The following DACH1 variants were observed in gnomAD, a reference collection of about 807,000 sequenced individuals.
The protein encoded by DACH1 is dachshund homolog 1.
Under a neutral mutation model 54.2 loss-of-function variants are expected in DACH1, and 12 were observed. The observed-to-expected ratio is 0.22, with a 90% CI of 0.14 to 0.36. The LOEUF (loss-of-function observed/expected upper bound fraction) is 0.36. Among genes scored for constraint, DACH1 ranks in the 10% least tolerant of loss-of-function variants. The pLI is 1.00. For missense variants in DACH1, 805 were observed against 929.8 expected, an observed-to-expected ratio of 0.87 and a Z score of 1.75; for synonymous variants, 386 against 366.2, an observed-to-expected ratio of 1.05 and a Z score of -0.62.
chr13:71,683,092 T>A (rs1415813093), intron 1 of DACH1, among the ~76,000 whole-genome samples: 1 of 152,114 alleles, frequency 6.6e-6, no homozygotes, highest in Non-Finnish European at 1.5e-5. Context: ...AGGTAGGTAA[T>A]GTTTGTGGTC....
intron 1 of DACH1, among the ~76,000 whole-genome samples, chr13:71,858,427 CT>C (rs1272254655): frequency 1.3e-5 from 2 of 151,696 alleles, no homozygotes; most frequent in African/African-American, 4.8e-5. Context: ...AACCAATGTA[CT>C]ATGTGGCCTA....
chr13:71,617,634 C>T (rs1053229130), intron 3 of DACH1, among the ~76,000 whole-genome samples: 17 of 152,132 alleles, frequency 1.1e-4, no homozygotes, highest in African/African-American at 3.9e-4. Context: ...ACCAAAGACC[C>T]GGAAGAATAA....
At chr13:71,807,053 A>G (rs891309289) in intron 1 of DACH1, among the ~76,000 whole-genome samples, 6 of 152,196 alleles carry the variant, frequency 3.9e-5, no homozygotes, top group South Asian at 2.1e-4. Context: ...GGTTCCAGGA[A>G]TGAGAAGAAA....
At chr13:71,824,313 G>GA (rs1163697060) in intron 1 of DACH1, among the ~76,000 whole-genome samples, 5 of 151,560 alleles carry the variant, frequency 3.3e-5, no homozygotes, top group African/African-American at 1.2e-4. Flanking sequence ...CTCAGAAAAT[G>GA]AAAAAAATAA....
At chr13:71,629,100 T>C (rs1876883737) in intron 3 of DACH1, among the ~76,000 whole-genome samples, 1 of 152,172 alleles carries the variant, frequency 6.6e-6, no homozygotes, top group South Asian at 2.1e-4. Context: ...AAAAGGCTTT[T>C]ACTTTAAAGT....
chr13:71,713,154 C>CT (rs1882807441), intron 1 of DACH1, among the ~76,000 whole-genome samples: 1 of 150,124 alleles, frequency 6.7e-6, no homozygotes, highest in African/African-American at 2.5e-5. Context: ...TTTCCCTGAA[C>CT]TTTTCTCTTT....
intron 6 of DACH1, among the ~76,000 whole-genome samples, chr13:71,552,816 TATATATATATATATATATATATATATAG>T (rs1471057702): frequency 1.2e-3 from 68 of 54,854 alleles, no homozygotes; most frequent in South Asian, 2.8e-3. Flanking sequence ...TATATATATA[TATATATATATATATATATATATATATAG>T]AGAGAGAGAG....
At chr13:71,695,885 A>G (rs1051087803) in intron 1 of DACH1, among the ~76,000 whole-genome samples, 1 of 152,202 alleles carries the variant, frequency 6.6e-6, no homozygotes, top group African/African-American at 2.4e-5. Context: ...AAGGCAAAGC[A>G]AATATTGAGT....
intron 1 of DACH1, among the ~76,000 whole-genome samples, chr13:71,842,383 T>C (rs1872934274): frequency 1.3e-5 from 2 of 150,988 alleles, no homozygotes; most frequent in African/African-American, 4.9e-5. Flanking sequence ...AAGACCAGCC[T>C]GGGCAAAATG....
At chr13:71,677,918 C>T (rs536476261) in intron 2 of DACH1, among the ~76,000 whole-genome samples, 7 of 152,192 alleles carry the variant, frequency 4.6e-5, no homozygotes, top group African/African-American at 1.7e-4. Context: ...TGGGGTTTCA[C>T]CATGTTGGCC....
chr13:71,762,886 A>G (rs1465214851), intron 1 of DACH1, among the ~76,000 whole-genome samples: 1 of 151,698 alleles, frequency 6.6e-6, no homozygotes, highest in Non-Finnish European at 1.5e-5. Context: ...TTAATAATGT[A>G]GTTTTTTCTC....
intron 3 of DACH1, among the ~76,000 whole-genome samples, chr13:71,587,986 G>A (rs1873404587): frequency 6.6e-6 from 1 of 152,066 alleles, no homozygotes; most frequent in Non-Finnish European, 1.5e-5. Context: ...GCTCTTCAAA[G>A]CTTTCTGTGA....
intron 10 of DACH1, among the ~76,000 whole-genome samples, chr13:71,465,670 G>T (rs1876504483): frequency 6.6e-6 from 1 of 151,496 alleles, no homozygotes; most frequent in African/African-American, 2.4e-5. Context: ...TGATAATAAA[G>T]GTTAAAAAAA....
chr13:71,477,912 C>T (rs778613585), intron 8 of DACH1, among the ~76,000 whole-genome samples: 33 of 152,064 alleles, frequency 2.2e-4, no homozygotes, highest in South Asian at 4.1e-4. Flanking sequence ...GGGAACTTTA[C>T]GGTGTGATCT....
chr13:71,608,209 T>C (rs1319794837), intron 3 of DACH1, among the ~76,000 whole-genome samples: 1 of 151,996 alleles, frequency 6.6e-6, no homozygotes, highest in Non-Finnish European at 1.5e-5. Context: ...ATGTATATTA[T>C]CATGGATATA....
At chr13:71,630,815 G>GT in intron 2 of DACH1, 98 bp from the exon 3 acceptor site, 2 of 1,328,516 alleles carry the variant, frequency 1.5e-6, no homozygotes, top group Non-Finnish European at 2.0e-6. Flanking sequence ...ATTTATTAGA[G>GT]TATCTGATTC....
chr13:71,546,793 A>G (rs1361226713), intron 6 of DACH1, among the ~76,000 whole-genome samples: 1 of 152,086 alleles, frequency 6.6e-6, no homozygotes, highest in Non-Finnish European at 1.5e-5. Context: ...AGCTTAGACC[A>G]AAAGCACTAA....
chr13:71,772,023 G>A (rs1196113638), intron 1 of DACH1, among the ~76,000 whole-genome samples: 1 of 150,942 alleles, frequency 6.6e-6, no homozygotes, highest in Non-Finnish European at 1.5e-5. Context: ...TCCTTAAAAG[G>A]GTTTTAAAAT....
chr13:71,513,790 A>G (rs540412462), intron 6 of DACH1, among the ~76,000 whole-genome samples: 1 of 152,148 alleles, frequency 6.6e-6, no homozygotes, highest in East Asian at 1.9e-4. Context: ...AAGTATTTAC[A>G]GTCTCAAGTG....
Sources: allele counts gnomAD v4.1 joint callset (sites outside exome capture counted in the v4.1 genomes callset), GRCh38; gene constraint gnomAD v4.1.1; transcripts MANE v1.5; gene names NCBI Gene and HGNC (gene_info 2026-07-23, HGNC 2026-07-21).